The following HNRNPH1 variants were observed in gnomAD, a reference collection of about 807,000 sequenced individuals.
HNRNPH1 encodes the protein heterogeneous nuclear ribonucleoprotein H.
HNRNPH1 carries 4 observed loss-of-function variants against 58.6 expected under a neutral mutation model. That is an observed-to-expected ratio of 0.07 (90% confidence interval 0.03 to 0.16). The LOEUF is 0.16. HNRNPH1 is among the 10% of genes least tolerant of loss of function. HNRNPH1 has a pLI of 1.00. For synonymous variants in HNRNPH1, 192 were observed against 189.2 expected, an observed-to-expected ratio of 1.01 and a Z score of -0.12; for missense variants, 271 against 564.2, an observed-to-expected ratio of 0.48 and a Z score of 5.26.
At chr5:179,629,688 A>T (rs1156708270) in intron 2 of HNRNPH1, among the ~76,000 whole-genome samples, 6 of 152,134 alleles carry the variant, frequency 3.9e-5, no homozygotes, top group Non-Finnish European at 8.8e-5. Flanking sequence ...ATGTGAAGAC[A>T]TGTTATAGCC....
At chr5:179,620,932 G>C (rs1772036513) in exon 3 of HNRNPH1, 1 of 1,614,070 alleles carries the variant, frequency 6.2e-7, no homozygotes, top group Middle Eastern at 1.7e-4. Flanking sequence ...TACATCCAAA[G>C]GGAAGTCCTC....
upstream of HNRNPH1, chr5:179,629,141 C>CAA (rs1258198119): frequency 6.8e-6 from 1 of 147,928 alleles, no homozygotes; most frequent in Admixed American, 6.7e-5. Context: ...ACTAAAAATA[C>CAA]AAAAAATTAG....
At chr5:179,615,807 G>A in intron 11 of HNRNPH1, 1 of 523,188 alleles carries the variant, frequency 1.9e-6, no homozygotes, top group Non-Finnish European at 3.4e-6. Flanking sequence ...TTTATTTAAT[G>A]TTTTAATACA....
chr5:179,630,970 A>G (rs1774783246), intron 2 of HNRNPH1, among the ~76,000 whole-genome samples: 1 of 152,100 alleles, frequency 6.6e-6, no homozygotes. Context: ...CAAAAAACAT[A>G]CATTTCATTA....
chr5:179,616,275 G>C (rs1581638116), intron 10 of HNRNPH1, 57 bp from the exon 12 acceptor site: 1 of 1,330,256 alleles, frequency 7.5e-7, no homozygotes, highest in Non-Finnish European at 1.1e-6. Flanking sequence ...GTACCTGGTG[G>C]TACCGGGCTT....
intron 2 of HNRNPH1, among the ~76,000 whole-genome samples, chr5:179,632,291 G>A (rs1192120514): frequency 1.3e-5 from 2 of 148,860 alleles, no homozygotes; most frequent in East Asian, 2.0e-4. Context: ...CTGAGTGACA[G>A]AGCGAGACTC....
Position 179,619,169 on chromosome 5 carries a change from G to A in HNRNPH1, c.536+100C>T, listed in dbSNP as rs188903155. On this transcript the variant is annotated intron_variant, in intron 4 of 12. Coordinates refer to ENST00000356731, the Ensembl canonical transcript of HNRNPH1. ...ATCATGGCAAAACATCAATTACCTA[G>A]GACTACAAAACATTAATTTCTTCTT... The A allele has an allele frequency of 1.9e-3, 1,943 of 1,037,654 alleles. 7 individuals are homozygous for A. The highest frequency in any genetic ancestry group is 7.6e-3 in the Middle Eastern group (29 of 3,828). 64.3% of individuals were successfully genotyped at this position (1,037,654 alleles called of 1,614,324 possible).
chr5:179,632,151 A>C (rs1050705152), intron 2 of HNRNPH1, among the ~76,000 whole-genome samples: 2 of 151,720 alleles, frequency 1.3e-5, no homozygotes, highest in Non-Finnish European at 2.9e-5. Context: ...CTAAAAATAC[A>C]AAAAAAATTA....
At chr5:179,622,131 C>CA (rs1465658564) in intron 1 of HNRNPH1, among the ~76,000 whole-genome samples, 3 of 152,182 alleles carry the variant, frequency 2.0e-5, no homozygotes, top group Non-Finnish European at 4.4e-5. Flanking sequence ...CTATGTACTG[C>CA]AAAAACACTT....
upstream of HNRNPH1, among the ~76,000 whole-genome samples, chr5:179,627,121 T>C (rs1774467867): frequency 6.6e-6 from 1 of 152,206 alleles, no homozygotes; most frequent in Non-Finnish European, 1.5e-5. Flanking sequence ...GAGCTCTTTA[T>C]TAAGGCTGTT....
chr5:179,621,090 G>A (rs569166833), intron 2 of HNRNPH1, 55 bp from the exon 4 acceptor site: 224 of 1,581,908 alleles, frequency 1.4e-4, no homozygotes, highest in Non-Finnish European at 1.9e-4. Flanking sequence ...ACAAAGTTCA[G>A]ACTTCCTGGG....
At chr5:179,616,514 A>C (rs1385809618) in intron 10 of HNRNPH1, 1 of 521,032 alleles carries the variant, frequency 1.9e-6, no homozygotes, top group African/African-American at 1.9e-5. Flanking sequence ...GACTGGATTT[A>C]GTGGGTTCCC....
At chr5:179,630,943 AAAAC>A (rs570345801) in intron 2 of HNRNPH1, among the ~76,000 whole-genome samples, 65 of 152,244 alleles carry the variant, frequency 4.3e-4, no homozygotes, top group African/African-American at 1.4e-3. Flanking sequence ...GCTCAAAAAA[AAAAC>A]AAAAACAAAA....
At chr5:179,619,236 A>C (rs1430885633) in intron 4 of HNRNPH1, 33 bp downstream of exon 5, 1 of 1,559,782 alleles carries the variant, frequency 6.4e-7, no homozygotes, top group Admixed American at 1.8e-5. Context: ...ACCATAAGAA[A>C]AGTGACATAT....
exon 1 of HNRNPH1, chr5:179,623,222 A>G: frequency 2.1e-6 from 2 of 936,798 alleles, no homozygotes; most frequent in Non-Finnish European, 3.2e-6. Context: ...TTCGCCTCCG[A>G]GGCGCGCCCG....
At position 179,618,077 on chromosome 5, in the gene HNRNPH1, A is replaced by C; in HGVS notation, c.716-17T>G. Reference sequence around the variant, plus strand: ...CTCCATAGCCTGAAAGACAAAGTACAATCAATCAAATAAAACACCTAGACA... The same window carrying C: ...CTCCATAGCCTGAAAGACAAAGTACCATCAATCAAATAAAACACCTAGACA... On this transcript the variant is annotated splice_polypyrimidine_tract_variant and intron_variant, in intron 5 of 12. Transcript: ENST00000356731. 1 of 1,613,212 alleles carries C rather than the reference A, an allele frequency of 6.2e-7. No individual in the cohort carries two copies. Among genetic ancestry groups the C allele is most frequent in the Non-Finnish European group, 8.5e-7 (1 of 1,179,268 alleles).
intron 2 of HNRNPH1, among the ~76,000 whole-genome samples, chr5:179,630,467 G>A (rs1321933069): frequency 6.6e-6 from 1 of 152,094 alleles, no homozygotes; most frequent in South Asian, 2.1e-4. Context: ...ATAAAATAAC[G>A]CAAAGCCTTT....
rs1770766427 is a variant in HNRNPH1 at position 179,618,354 on chromosome 5, G to C, written c.537-31C>G. The C allele has an allele frequency of 2.0e-6, 3 of 1,496,540 alleles. No individual in the cohort carries two copies. In the East Asian group the frequency reaches 6.8e-5, roughly 34 times the overall value. 92.7% of individuals were successfully genotyped at this position (1,496,540 alleles called of 1,614,324 possible). A position where few individuals can be genotyped will look rare whatever the true frequency, so the allele number is the denominator to read the frequency against. On this transcript the variant is annotated intron_variant, in intron 4 of 12. Transcript: ENST00000356731. ...GCATTGTTCATAAGGAAGGGGTAGG[G>C]AGGGGAGAGAAAACATTAGTTCATT...
chr5:179,616,550 G>T (rs1411118280), intron 10 of HNRNPH1: 5 of 512,750 alleles, frequency 9.8e-6, no homozygotes, highest in Non-Finnish European at 1.7e-5. Context: ...TCAAAGGCAT[G>T]TCAATACACC....
Sources: gnomAD v4.1 joint callset for allele counts (sites outside exome capture counted in the v4.1 genomes callset) on GRCh38, gnomAD v4.1.1 for gene constraint, MANE v1.5 for transcripts, NCBI Gene and HGNC (gene_info 2026-07-23, HGNC 2026-07-21) for gene names.